TUT7: variants seen among roughly 807,000 people sequenced by gnomAD.
The protein encoded by TUT7 is terminal uridylyl transferase 7.
In TUT7, 33 loss-of-function variants were observed where a neutral mutation model predicts 165.9. The observed-to-expected ratio is 0.20, with a 90% confidence interval of 0.15 to 0.27. The LOEUF (loss-of-function observed/expected upper bound fraction) is 0.27. Among genes scored for constraint, TUT7 ranks in the 10% least tolerant of loss-of-function variants. TUT7 has a pLI of 1.00. For synonymous variants in TUT7, 552 were observed against 608.1 expected (o/e 0.91, Z 1.36); for missense variants, 1,338 against 1,762.3 (o/e 0.76, Z 4.31).
intron 8 of TUT7, 51 bp from the exon 9 acceptor site, chr9:86,339,000 T>C (rs1307856994): frequency 2.7e-6 from 4 of 1,480,884 alleles, no homozygotes; most frequent in African/African-American, 2.8e-5. Flanking sequence ...AAAAAAGTGT[T>C]ACACAGGTCT....
At chr9:86,317,335 G>T (rs893189792) in intron 16 of TUT7, 59 bp from the exon 17 acceptor site, 3 of 1,366,086 alleles carry the variant, frequency 2.2e-6, no homozygotes, top group East Asian at 2.3e-5. Context: ...TCTGAAACTG[G>T]CTATAGTTTC....
rs147025112 is a variant in TUT7, at chr9:86,317,103, G to T, written c.3274+116C>A. 8.8e-4 allele frequency: 692 copies of T among 785,194 alleles called. 6 individuals carry two copies. The African/African-American group carries it at 0.011, about 13-fold the overall frequency. The allele number at this position is 785,194 out of a possible 1,614,324, so 48.6% of individuals were successfully genotyped here. A position where few individuals can be genotyped will look rare whatever the true frequency, so the allele number is the denominator to read the frequency against. Reference sequence around the variant, plus strand: ...TTTTTTTTATCTGCTGGGGAAGGGAGGGTTGAGGGGTGATGGGTGGGCCTG... The same window carrying T: ...TTTTTTTTATCTGCTGGGGAAGGGATGGTTGAGGGGTGATGGGTGGGCCTG... On this transcript the variant is annotated intron_variant, in intron 17 of 26. Transcript: ENST00000375963.
chr9:86,307,486 A>G (rs1827620089), intron 22 of TUT7, among the ~76,000 whole-genome samples: 1 of 152,266 alleles, frequency 6.6e-6, no homozygotes, highest in Non-Finnish European at 1.5e-5. Flanking sequence ...TAATAAAACC[A>G]CAACTTAGAA....
intron 17 of TUT7, among the ~76,000 whole-genome samples, chr9:86,314,837 T>C (rs1290105499): frequency 6.6e-6 from 1 of 152,198 alleles, no homozygotes; most frequent in African/African-American, 2.4e-5. Flanking sequence ...TCTCCAAATG[T>C]ACCAATCTTC....
chr9:86,328,539 T>C (rs1352857161), intron 10 of TUT7, 47 bp from the exon 11 acceptor site: 3 of 1,507,818 alleles, frequency 2.0e-6, no homozygotes, highest in Non-Finnish European at 2.7e-6. Flanking sequence ...AATAATCTTA[T>C]ATCAAACACA....
At position 86,323,564 on chromosome 9, in the gene TUT7, G is replaced by A; in HGVS notation, c.2186C>T (p.Ala729Val). ...CTTGTAATCATCAGAGTTAACATCTGCTTGGATACAGTCTGAGTTTTCAGG... is the reference window on the plus strand; with the variant it reads ...CTTGTAATCATCAGAGTTAACATCTACTTGGATACAGTCTGAGTTTTCAGG... ...VHPENSDCIQ[A>V]DVNSDDYKGD... The change falls in exon 13 of 27, where the codon GCA becomes GTA. Residue 729 changes from alanine (A) to valine (V), a missense_variant. Physicochemically the swap from Ala to Val is moderately conservative, Grantham distance 64 (BLOSUM62 0). Coordinates refer to ENST00000375963, the MANE Select transcript of TUT7 (RefSeq NM_024617.4). 6.2e-7 allele frequency: 1 copy of A among 1,614,136 alleles called. No individual in the cohort carries two copies. Among genetic ancestry groups the A allele is most frequent in the Non-Finnish European group, 8.5e-7 (1 of 1,180,024 alleles).
chr9:86,306,028 T>C (rs777568961), intron 22 of TUT7, among the ~76,000 whole-genome samples: 7 of 152,330 alleles, frequency 4.6e-5, no homozygotes, highest in Middle Eastern at 3.4e-3. Context: ...TTAAAAGCAC[T>C]ATTTCTAAAT....
intron 26 of TUT7, among the ~76,000 whole-genome samples, chr9:86,294,429 T>C (rs1344130431): frequency 6.6e-6 from 1 of 152,182 alleles, no homozygotes; most frequent in African/African-American, 2.4e-5. Flanking sequence ...TTTTTGATGA[T>C]ACATCACTGT....
At chr9:86,291,300 G>A (rs1252880920) in intron 26 of TUT7, among the ~76,000 whole-genome samples, 2 of 152,128 alleles carry the variant, frequency 1.3e-5, no homozygotes, top group African/African-American at 4.8e-5. Flanking sequence ...CAATAAACAT[G>A]TAAAAAGGGC....
At position 86,345,748 on chromosome 9, in the gene TUT7, C is replaced by G; in HGVS notation, c.740G>C (p.Arg247Thr). The part of the protein sequence containing the change: ...RNYPTAKYTC[R>T]LCDVLIESIA... ...GGATTCAATTAAAACATCACAGAGT[C>G]TGCAGGTGTACTTTGCTGTAGGGTA... is the stretch of plus-strand genomic sequence containing the variant. The change falls in exon 4 of 27, where the codon AGA (arginine) becomes ACA (threonine). Residue 247 changes from arginine (R) to threonine (T), a missense_variant. Physicochemically the swap from Arg to Thr is moderately conservative, Grantham distance 71. Transcript: ENST00000375963. The G allele has an allele frequency of 1.2e-6, 2 of 1,613,544 alleles. No homozygotes were observed. Among genetic ancestry groups the G allele is most frequent in the Non-Finnish European group, 1.7e-6 (2 of 1,179,718 alleles).
intron 17 of TUT7, 78 bp downstream of exon 17, chr9:86,317,141 C>T: frequency 7.7e-7 from 1 of 1,292,548 alleles, no homozygotes; most frequent in South Asian, 1.2e-5. Context: ...ACAAATACCC[C>T]ATGGATACCA....
At position 86,311,947 on chromosome 9, in the gene TUT7, A is replaced by G. The variant is rs1372013689; in HGVS notation, c.3275-1138T>C. Among the ~76,000 whole-genome samples the G allele has an allele frequency of 6.6e-6, 1 of 152,174 alleles. No individual in the cohort carries two copies. Among genetic ancestry groups the G allele is most frequent in the Non-Finnish European group, 1.5e-5 (1 of 68,038 alleles). On this transcript the variant is annotated intron_variant, in intron 17 of 26. Coordinates refer to ENST00000375963, the MANE Select transcript of TUT7 (RefSeq NM_024617.4). The surrounding 1 kb of genome is among the most constrained non-coding windows in gnomAD (Gnocchi z 4.4). ...CTCAATGGTGCCCAGGCTGGAGTGC[A>G]GTGGCGTGATCTCGGCCCGCTACAA...
intron 3 of TUT7, 116 bp from the exon 4 acceptor site, chr9:86,345,901 A>C: frequency 1.3e-6 from 1 of 766,802 alleles, no homozygotes. Flanking sequence ...AAGAGACAGG[A>C]GTCTCACTAT....
At chr9:86,312,042 C>G (rs1828148973) in intron 17 of TUT7, among the ~76,000 whole-genome samples, 1 of 152,086 alleles carries the variant, frequency 6.6e-6, no homozygotes, top group African/African-American at 2.4e-5. Flanking sequence ...CGGCCGCCAC[C>G]CCGTCTGGGA....
chr9:86,316,205 G>A (rs547594663), intron 17 of TUT7, among the ~76,000 whole-genome samples: 4 of 152,234 alleles, frequency 2.6e-5, no homozygotes, highest in East Asian at 1.9e-4. Context: ...AAAAGGATAC[G>A]TTAACAGCAT....
In TUT7 at chr9:86,325,471, A is replaced by G; in HGVS notation, c.1652T>C (p.Val551Ala). 1 of 1,614,082 alleles carries G rather than the reference A, an allele frequency of 6.2e-7. No individual in the cohort carries two copies. The highest frequency in any genetic ancestry group is 8.5e-7 in the Non-Finnish European group (1 of 1,179,968). Residue 551 changes from valine to alanine, a missense_variant, in exon 12 of 27, where the codon GTT becomes GCT. Around this residue, in one of 7 missense-constraint regions of TUT7, gnomAD observed 53 missense variants for 46.3 expected, o/e 1.15. Coordinates refer to ENST00000375963, the MANE Select transcript of TUT7 (RefSeq NM_024617.4). ...CAGCAATTCCACCCAGAGCTGCCCA[A>G]CTGGTACTGAAGGCTGGTGTTTCAC... ...LDVKHQPSVPVGQLWVELLRF... is the reference protein window; with the variant it reads ...LDVKHQPSVPAGQLWVELLRF...
intron 26 of TUT7, among the ~76,000 whole-genome samples, chr9:86,291,474 A>T (rs1289733606): frequency 6.7e-6 from 1 of 150,274 alleles, no homozygotes; most frequent in Non-Finnish European, 1.5e-5. Flanking sequence ...GAGAGACAGG[A>T]GGCAGGAGAA....
At chr9:86,315,763 T>TTA (rs558098316) in intron 17 of TUT7, among the ~76,000 whole-genome samples, 5 of 151,536 alleles carry the variant, frequency 3.3e-5, no homozygotes, top group East Asian at 1.9e-4. Flanking sequence ...CTTTTTTTTT[T>TTA]ATATTGTTCT....
rs146532116 is a variant in TUT7, at chr9:86,328,359, G to C, written c.1589C>G (p.Thr530Arg). ...ACAGACCTGTCCCCTTTTAATCGGCGTTTCTCTTGGTGCCTCTTCTTTTGT... is the reference window on the plus strand; with the variant it reads ...ACAGACCTGTCCCCTTTTAATCGGCCTTTCTCTTGGTGCCTCTTCTTTTGT... ...GITKEEAPRETPIKRGQVSLI... is the reference protein window; with the variant it reads ...GITKEEAPRERPIKRGQVSLI... The change falls in exon 11 of 27, where the codon ACG becomes AGG. Residue 530 changes from threonine to arginine, a missense_variant. By Grantham distance (71) the Thr-to-Arg change is moderately conservative. Coordinates refer to ENST00000375963, the MANE Select transcript of TUT7 (RefSeq NM_024617.4). The C allele has an allele frequency of 1.2e-6, 2 of 1,601,300 alleles. No homozygotes were observed. The highest frequency in any genetic ancestry group is 1.7e-6 in the Non-Finnish European group (2 of 1,174,582).
Sources: gnomAD v4.1 joint callset for allele counts (sites outside exome capture counted in the v4.1 genomes callset) on GRCh38, gnomAD v4.1.1 for gene constraint, gnomAD v4.1.1 regional missense constraint, Gnocchi (gnomAD v3.1) non-coding constraint, MANE v1.5 for transcripts, NCBI Gene and HGNC (gene_info 2026-07-23, HGNC 2026-07-21) for gene names.